The following ZNF236 variants were observed in gnomAD, a reference collection of about 807,000 sequenced individuals.
ZNF236 encodes zinc finger protein 236, also known as regulated by glucose.
ZNF236 carries 50 observed loss-of-function variants against 191.2 expected under a neutral mutation model. The observed-to-expected ratio is 0.26, with a 90% CI of 0.21 to 0.33. The LOEUF (loss-of-function observed/expected upper bound fraction) is 0.33, where lower values mean the gene tolerates loss of function less well. Ranked by LOEUF, ZNF236 falls within the 10% of genes least tolerant of loss-of-function variation. ZNF236 has a pLI of 1.00. For synonymous variants in ZNF236, 907 were observed against 928.8 expected (o/e 0.98, Z 0.43); for missense variants, 1,754 against 2,374.5 (o/e 0.74, Z 5.43).
chr18:76,971,185 C>T lies in ZNF236; in HGVS notation c.*2846C>T, dbSNP rs1383807657. On this transcript the variant is annotated 3_prime_UTR_variant, in exon 31 of 31. Coordinates refer to ENST00000320610, the MANE Select transcript of ZNF236 (RefSeq NM_001306089.2). ...GGCATGTAGCATGTGTGGAGTCCCA[C>T]CTGCTAGATAATGCCCAAGCGGCTG... Among the ~76,000 whole-genome samples, 1 of 152,204 alleles carries T rather than the reference C, an allele frequency of 6.6e-6. No homozygotes were observed. The highest frequency in any genetic ancestry group is 2.4e-5 in the African/African-American group (1 of 41,432).
chr18:76,937,251 G>A lies in ZNF236; in HGVS notation c.4690G>A (p.Gly1564Arg), dbSNP rs1322594284. Residue 1564 changes from glycine to arginine, a missense_variant, in exon 26 of 31, where the codon GGA becomes AGA. This residue lies in a region of ZNF236 where 606 missense variants were observed against 761.5 expected (regional missense o/e 0.80). Coordinates refer to ENST00000320610, the MANE Select transcript of ZNF236 (RefSeq NM_001306089.2). ...CCTGGTCATGTCCTCGTCGGGCGTG[G>A]GAGGTGACGCTAGTGTCACGCTGAC... ...QNLVMSSSGV[G>R]GDASVTLTLA... 1 of 1,614,116 alleles carries A rather than the reference G, an allele frequency of 6.2e-7. No individual in the cohort carries two copies. The highest frequency in any genetic ancestry group is 8.5e-7 in the Non-Finnish European group (1 of 1,180,020).
rs1276282449 is a variant in ZNF236, at chr18:76,880,364, T to G, written c.1188+48T>G. ...GTGAGGCTTACGTGCTCGTGCTGGG[T>G]CAGAAACCAGGGATGATAATTGAGA... is the stretch of plus-strand genomic sequence containing the variant. On this transcript the variant is annotated intron_variant, in intron 8 of 30. Coordinates refer to ENST00000320610, the MANE Select transcript of ZNF236 (RefSeq NM_001306089.2). This position sits in a 1 kb window ranked among gnomAD's most constrained non-coding sequence, Gnocchi z 5.0. 5 of 1,537,060 alleles carry G rather than the reference T, an allele frequency of 3.3e-6. No individual in the cohort carries two copies. The highest frequency in any genetic ancestry group is 4.4e-6 in the Non-Finnish European group (5 of 1,133,192).
chr18:76,864,676 A>G (rs940744541), intron 3 of ZNF236, among the ~76,000 whole-genome samples: 2 of 150,222 alleles, frequency 1.3e-5, no homozygotes, highest in African/African-American at 2.5e-5. Context: ...ATTATCATCT[A>G]GTGTGCTCAG....
At position 76,927,673 on chromosome 18, in the gene ZNF236, A is replaced by G. The variant is rs764039308; in HGVS notation, c.4414+156A>G. On this transcript the variant is annotated intron_variant, in intron 24 of 30. Transcript: ENST00000320610. The surrounding 1 kb of genome is among the most constrained non-coding windows in gnomAD (Gnocchi z 5.4). ...TGAGAATAAAATAAGCTTTTCTTAC[A>G]ATTAATGATATGTATTTAATATATG... is the stretch of plus-strand genomic sequence containing the variant. Among the ~76,000 whole-genome samples, 1 of 152,184 alleles carries G rather than the reference A, an allele frequency of 6.6e-6. No homozygotes were observed. Among genetic ancestry groups the G allele is most frequent in the Non-Finnish European group, 1.5e-5 (1 of 68,030 alleles).
At chr18:76,825,608 TA>T (rs34091650) in intron 1 of ZNF236, among the ~76,000 whole-genome samples, 37,385 of 152,182 alleles carry the variant, frequency 0.25, 5,089 homozygotes, top group East Asian at 0.38. Flanking sequence ...AAACCATTCT[TA>T]ACTATTTTTG....
intron 25 of ZNF236, among the ~76,000 whole-genome samples, chr18:76,936,584 TTTGAC>T: frequency 6.6e-6 from 1 of 152,240 alleles, no homozygotes; most frequent in Non-Finnish European, 1.5e-5. Context: ...TGAGATGTAT[TTTGAC>T]CTCCTGTCTT....
At chr18:76,888,522 T>C (rs1599366811) in intron 9 of ZNF236, 1 of 152,278 alleles carries the variant, frequency 6.6e-6, no homozygotes, top group African/African-American at 2.4e-5. Flanking sequence ...TCTAATTAGA[T>C]GTTGGACAGT....
intron 6 of ZNF236, among the ~76,000 whole-genome samples, chr18:76,877,150 T>C (rs1313374083): frequency 1.3e-5 from 2 of 152,224 alleles, no homozygotes; most frequent in Non-Finnish European, 2.9e-5. Context: ...GTATTTTCTC[T>C]GTTCACAGCT....
At chr18:76,858,223 G>A (rs1159701768) in intron 3 of ZNF236, among the ~76,000 whole-genome samples, 1 of 152,178 alleles carries the variant, frequency 6.6e-6, no homozygotes, top group Non-Finnish European at 1.5e-5. Flanking sequence ...TTCATAGTAT[G>A]TAGCGATGGC....
chr18:76,879,473 G>T (rs984036491), intron 7 of ZNF236, among the ~76,000 whole-genome samples: 8 of 152,152 alleles, frequency 5.3e-5, no homozygotes, highest in African/African-American at 1.4e-4. Context: ...TTTTGTCAGG[G>T]TTTACTCTCA....
chr18:76,920,090 C>T (rs1332389566), intron 20 of ZNF236, 32 bp downstream of exon 20: 3 of 1,588,856 alleles, frequency 1.9e-6, no homozygotes, highest in South Asian at 2.3e-5. Flanking sequence ...GCGGGTTCCG[C>T]TCTGAAGACT....
At chr18:76,906,847 T>C (rs1242653890) in intron 13 of ZNF236, among the ~76,000 whole-genome samples, 1 of 152,218 alleles carries the variant, frequency 6.6e-6, no homozygotes, top group Non-Finnish European at 1.5e-5. Context: ...GGAATCTGCC[T>C]ACAAGGAGAG....
In ZNF236 at chr18:76,919,793, G is replaced by A. The variant is rs761374852; in HGVS notation, c.3292G>A (p.Glu1098Lys). Residue 1098 changes from glutamate to lysine, a missense_variant, in exon 20 of 31, where the codon GAG (glutamate) becomes AAG (lysine). Coordinates refer to ENST00000320610, the MANE Select transcript of ZNF236 (RefSeq NM_001306089.2). This position sits in a 1 kb window ranked among gnomAD's most constrained non-coding sequence, Gnocchi z 5.3. ...TTGTGTAGACATTTGTATGGAGGAA[G>A]AGGAAGAACATTCTGACAGAAATGC... The part of the protein sequence containing the change: ...TEGGDICMEE[E>K]EEHSDRNASR... The A allele has an allele frequency of 6.2e-7, 1 of 1,614,068 alleles. No individual in the cohort carries two copies. Among genetic ancestry groups the A allele is most frequent in the Non-Finnish European group, 8.5e-7 (1 of 1,179,916 alleles).
chr18:76,830,323 G>A (rs1193699535), intron 1 of ZNF236, among the ~76,000 whole-genome samples: 1 of 152,092 alleles, frequency 6.6e-6, no homozygotes, highest in Non-Finnish European at 1.5e-5. Flanking sequence ...TACATTATAT[G>A]AACCTACCAT....
chr18:76,853,532 C>T (rs1343437695), intron 3 of ZNF236, among the ~76,000 whole-genome samples: 1 of 151,982 alleles, frequency 6.6e-6, no homozygotes, highest in Non-Finnish European at 1.5e-5. Flanking sequence ...TAAAACCACC[C>T]ATAGTGGACT....
chr18:76,864,348 C>T (rs1395617162), intron 3 of ZNF236, among the ~76,000 whole-genome samples: 2 of 152,018 alleles, frequency 1.3e-5, no homozygotes, highest in Non-Finnish European at 2.9e-5. Flanking sequence ...TACAGGCATC[C>T]ACCACCACAC....
intron 25 of ZNF236, among the ~76,000 whole-genome samples, chr18:76,933,841 T>A (rs1967924190): frequency 6.6e-6 from 1 of 152,222 alleles, no homozygotes; most frequent in African/African-American, 2.4e-5. Flanking sequence ...GTCCTAGTTA[T>A]AATTATGTAG....
intron 3 of ZNF236, among the ~76,000 whole-genome samples, chr18:76,854,969 A>G (rs1341607967): frequency 6.6e-6 from 1 of 152,194 alleles, no homozygotes; most frequent in Non-Finnish European, 1.5e-5. Context: ...TCTGTCCCCC[A>G]GGTTGTAGTA....
At chr18:76,905,541 TCAAGAAAAA>T in intron 13 of ZNF236, 126 bp downstream of exon 13, 3 of 348,320 alleles carry the variant, frequency 8.6e-6, no homozygotes, top group African/African-American at 1.3e-4. Flanking sequence ...CTATATGGGC[TCAAGAAAAA>T]AAAAAAAAAA....
Sources: allele counts gnomAD v4.1 joint callset (sites outside exome capture counted in the v4.1 genomes callset), GRCh38; gene constraint gnomAD v4.1.1; regional missense constraint gnomAD v4.1.1; non-coding constraint Gnocchi (gnomAD v3.1); transcripts MANE v1.5; gene names NCBI Gene and HGNC (gene_info 2026-07-23, HGNC 2026-07-21).